Variants in RAD51B observed in about 807,000 individuals in gnomAD.
RAD51B encodes DNA repair protein RAD51 homolog 2.
Under a neutral mutation model 42.2 loss-of-function variants are expected in RAD51B, and 38 were observed. The ratio of observed to expected loss-of-function variants is 0.90; its 90% confidence interval spans 0.70 to 1.18. The LOEUF is 1.18. RAD51B is among the 50% of genes most tolerant of loss of function. RAD51B has a pLI of 0.00. For synonymous variants in RAD51B, 154 were observed against 145.2 expected (o/e 1.06, Z -0.43); for missense variants, 373 against 400.7 (o/e 0.93, Z 0.59).
chr14:68,588,120 T>C (rs141413797), intron 10 of RAD51B, among the ~76,000 whole-genome samples: 8 of 152,302 alleles, frequency 5.3e-5, no homozygotes, highest in African/African-American at 1.9e-4. Context: ...ATGGGTGCGT[T>C]CATCCCAGCC....
intron 7 of RAD51B, among the ~76,000 whole-genome samples, chr14:68,070,949 T>C (rs2076731106): frequency 6.6e-6 from 1 of 152,220 alleles, no homozygotes; most frequent in Admixed American, 6.5e-5. Context: ...GTGTCATCTC[T>C]GATTTCTCTT....
At chr14:68,368,171 T>C (rs1442147484) in intron 8 of RAD51B, among the ~76,000 whole-genome samples, 2 of 152,208 alleles carry the variant, frequency 1.3e-5, no homozygotes, top group Admixed American at 1.3e-4. Flanking sequence ...AGGAATTAAC[T>C]TTAGTCATGT....
At chr14:68,390,629 G>C (rs974141532) in intron 8 of RAD51B, among the ~76,000 whole-genome samples, 1 of 152,196 alleles carries the variant, frequency 6.6e-6, no homozygotes, top group Non-Finnish European at 1.5e-5. Context: ...ACTGTGGCTG[G>C]GAAAAGTGAT....
intron 7 of RAD51B, among the ~76,000 whole-genome samples, chr14:68,284,884 A>G (rs148525224): frequency 3.3e-5 from 5 of 152,224 alleles, no homozygotes; most frequent in African/African-American, 9.6e-5. Flanking sequence ...GGGTATCTCT[A>G]TACAAAGCTG....
In RAD51B at chr14:68,108,525, A is replaced by T. The variant is rs557071527; in HGVS notation, c.757-183359A>T. ...CTAATCACAAATAGCTAGATGTTGT[A>T]TAATTCCTTTTATACAAAATGTTCA... On this transcript the variant is annotated intron_variant, in intron 7 of 10. Coordinates refer to ENST00000471583, the MANE Select transcript of RAD51B (RefSeq NM_133510.4). Among the ~76,000 whole-genome samples, 71 of 152,130 alleles carry T rather than the reference A, an allele frequency of 4.7e-4. 3 individuals are homozygous for T. In the South Asian group the frequency reaches 0.014, roughly 31 times the overall value.
intron 10 of RAD51B, among the ~76,000 whole-genome samples, chr14:68,542,861 T>C (rs575173230): frequency 6.6e-6 from 1 of 152,324 alleles, no homozygotes; most frequent in African/African-American, 2.4e-5. Context: ...ACTCAGCCCA[T>C]CTTTCCAGCC....
At chr14:68,463,160 C>G (rs1254917266) in intron 9 of RAD51B, among the ~76,000 whole-genome samples, 3 of 152,120 alleles carry the variant, frequency 2.0e-5, no homozygotes, top group African/African-American at 7.2e-5. Flanking sequence ...CCTAAATTAC[C>G]TGCTGGGGGG....
At chr14:68,320,117 C>T (rs2082130676) in intron 8 of RAD51B, among the ~76,000 whole-genome samples, 1 of 152,208 alleles carries the variant, frequency 6.6e-6, no homozygotes, top group African/African-American at 2.4e-5. Flanking sequence ...CCTCCCCAAG[C>T]CCCCAGTTTG....
chr14:68,171,729 C>T (rs755931118), intron 7 of RAD51B, among the ~76,000 whole-genome samples: 23 of 151,586 alleles, frequency 1.5e-4, no homozygotes, highest in Admixed American at 6.6e-4. Context: ...GTGTGTGTGA[C>T]GGAGTCTCGC....
chr14:68,225,443 C>T (rs983951031), intron 7 of RAD51B, among the ~76,000 whole-genome samples: 2 of 152,124 alleles, frequency 1.3e-5, no homozygotes, highest in Admixed American at 6.6e-5. Flanking sequence ...TACCAATAAC[C>T]TTCTTTCAGT....
intron 7 of RAD51B, among the ~76,000 whole-genome samples, chr14:67,948,226 G>A (rs1376493305): frequency 6.6e-6 from 1 of 152,208 alleles, no homozygotes; most frequent in Non-Finnish European, 1.5e-5. Flanking sequence ...AGTGAGAGGT[G>A]ATCCTACAGC....
rs530229166 is a variant in RAD51B, at chr14:68,313,096, T to G, written c.853+21116T>G. 1.4e-4 allele frequency among the ~76,000 whole-genome samples: 22 copies of G among 152,322 alleles called. No homozygotes were observed. In the South Asian group the frequency reaches 4.3e-3, roughly 30 times the overall value. Reference sequence around the variant, plus strand: ...TATGAATTTTGAGGTTTTTGCTGCTTCTTATGCAAAACATTATTTCGGTTT... The same window carrying G: ...TATGAATTTTGAGGTTTTTGCTGCTGCTTATGCAAAACATTATTTCGGTTT... On this transcript the variant is annotated intron_variant, in intron 8 of 10. Coordinates refer to ENST00000471583, the MANE Select transcript of RAD51B (RefSeq NM_133510.4).
rs1233731613 is a variant in RAD51B, at chr14:68,026,513, A to G, written c.756+139309A>G. Among the ~76,000 whole-genome samples, 7 of 152,048 alleles carry G rather than the reference A, an allele frequency of 4.6e-5. No homozygotes were observed. The South Asian group carries it at 8.3e-4, about 18-fold the overall frequency. ...TCATAGGTCAAGAAGAACTTGTTTT[A>G]TGAATCTCGGTGCTCCAGTGTTGGG... On this transcript the variant is annotated intron_variant, in intron 7 of 10. Transcript: ENST00000471583.
chr14:68,411,649 G>A, intron 9 of RAD51B, 122 bp downstream of exon 9: 3 of 854,192 alleles, frequency 3.5e-6, no homozygotes, highest in South Asian at 1.6e-5. Flanking sequence ...CAGCTATTAG[G>A]GCCTAAAGAA....
At chr14:68,272,926 C>A (rs541097952) in intron 7 of RAD51B, among the ~76,000 whole-genome samples, 1 of 150,964 alleles carries the variant, frequency 6.6e-6, no homozygotes. Context: ...CCTGGTGATC[C>A]GCCTGCCTCG....
chr14:68,205,776 TTTTC>T (rs1304332235), intron 7 of RAD51B, among the ~76,000 whole-genome samples: 1 of 152,192 alleles, frequency 6.6e-6, no homozygotes, highest in Non-Finnish European at 1.5e-5. Flanking sequence ...TGTATAATAT[TTTTC>T]TGAGCCATTT....
intron 7 of RAD51B, among the ~76,000 whole-genome samples, chr14:68,040,004 T>C (rs1280188400): frequency 6.6e-6 from 1 of 152,090 alleles, no homozygotes; most frequent in Non-Finnish European, 1.5e-5. Context: ...TGTTGGGAGG[T>C]AGTTTAGATT....
intron 8 of RAD51B, chr14:68,338,996 CT>C: frequency 1.5e-6 from 1 of 657,120 alleles, no homozygotes; most frequent in Non-Finnish European, 2.8e-6. Context: ...AAGGGACCCC[CT>C]TTTTACAACA....
At chr14:68,634,736 G>A (rs565459580) in intron 10 of RAD51B, among the ~76,000 whole-genome samples, 69 of 152,348 alleles carry the variant, frequency 4.5e-4, no homozygotes, top group African/African-American at 1.7e-3. Context: ...GATCAAGGGA[G>A]AAGGAGATCC....
Sources: gnomAD v4.1 joint callset for allele counts (sites outside exome capture counted in the v4.1 genomes callset) on GRCh38, gnomAD v4.1.1 for gene constraint, MANE v1.5 for transcripts, NCBI Gene and HGNC (gene_info 2026-07-23, HGNC 2026-07-21) for gene names.